The following FSIP1 variants were observed in gnomAD, a reference collection of about 807,000 sequenced individuals.
FSIP1 encodes fibrous sheath interacting protein 1.
Under a neutral mutation model 60.9 loss-of-function variants are expected in FSIP1, and 65 were observed. That is an observed-to-expected ratio of 1.07 (90% CI 0.87 to 1.31). The LOEUF (loss-of-function observed/expected upper bound fraction) is 1.31, where lower values mean the gene tolerates loss of function less well. Ranked by LOEUF, FSIP1 falls within the 40% of genes most tolerant of loss-of-function variation. FSIP1 has a pLI of 0.00. For missense variants in FSIP1, 675 were observed against 665.5 expected (o/e 1.01, Z -0.16); for synonymous variants, 209 against 221.2 (o/e 0.94, Z 0.49).
intron 9 of FSIP1, among the ~76,000 whole-genome samples, chr15:39,723,439 C>A (rs1457647950): frequency 1.3e-5 from 2 of 152,198 alleles, no homozygotes; most frequent in Admixed American, 1.3e-4. Context: ...CCATGTTAGC[C>A]AGGATGGTCT....
chr15:39,665,873 T>C (rs1471773605), intron 10 of FSIP1, among the ~76,000 whole-genome samples: 1 of 152,156 alleles, frequency 6.6e-6, no homozygotes, highest in Non-Finnish European at 1.5e-5. Context: ...AGAGCTGCTT[T>C]TCTCTGTAGA....
chr15:39,718,350 C>T (rs1219477219), intron 9 of FSIP1, among the ~76,000 whole-genome samples: 1 of 151,470 alleles, frequency 6.6e-6, no homozygotes, highest in African/African-American at 2.4e-5. Flanking sequence ...AGTCTGTGTG[C>T]GTATAGAGAA....
chr15:39,762,712 A>AAGACAAGG (rs1435821822), intron 5 of FSIP1, among the ~76,000 whole-genome samples: 1 of 152,192 alleles, frequency 6.6e-6, no homozygotes, highest in East Asian at 1.9e-4. Flanking sequence ...TGTTTTCTTA[A>AAGACAAGG]AGACAAGGCC....
intron 10 of FSIP1, among the ~76,000 whole-genome samples, chr15:39,645,170 T>G (rs953124919): frequency 6.6e-6 from 1 of 152,222 alleles, no homozygotes; most frequent in African/African-American, 2.4e-5. Context: ...AAGAGAAACT[T>G]TCTACATTCT....
At position 39,716,908 on chromosome 15, in the gene FSIP1, G is replaced by A. The variant is rs534209420; in HGVS notation, c.1051-3327C>T. Among the ~76,000 whole-genome samples the A allele has an allele frequency of 5.1e-5, 7 of 137,110 alleles. No individual in the cohort carries two copies. In the South Asian group the frequency reaches 7.3e-4, roughly 14 times the overall value. 89.9% of individuals were successfully genotyped at this position (137,110 alleles called of 152,430 possible). Reference sequence around the variant, plus strand: ...TGGCTCCCGGCAACCTCTGCCTCCCGGGTTCAAGCGATTCTCCTGCCTCAG... The same window carrying A: ...TGGCTCCCGGCAACCTCTGCCTCCCAGGTTCAAGCGATTCTCCTGCCTCAG... On this transcript the variant is annotated intron_variant, in intron 9 of 11. Transcript: ENST00000350221.
intron 10 of FSIP1, among the ~76,000 whole-genome samples, chr15:39,688,620 A>C (rs540007611): frequency 6.6e-6 from 1 of 152,222 alleles, no homozygotes; most frequent in Non-Finnish European, 1.5e-5. Context: ...AAACTTTTAA[A>C]ACTGGGTAGC....
At position 39,646,705 on chromosome 15, in the gene FSIP1, T is replaced by TA. The variant is rs36049904; in HGVS notation, c.1189-28461dup. 4.3e-3 allele frequency among the ~76,000 whole-genome samples: 591 copies of TA among 138,052 alleles called. 5 individuals carry two copies. The highest frequency in any genetic ancestry group is 0.015 in the Middle Eastern group (4 of 272). 90.6% of individuals were successfully genotyped at this position (138,052 alleles called of 152,430 possible). ...AGTGACACTGTGACACACTGTCTCT[T>TA]AAAAAAAAAAAAAAAGTCTAATGGA... On this transcript the variant is annotated intron_variant, in intron 10 of 11. Coordinates refer to ENST00000350221, the MANE Select transcript of FSIP1 (RefSeq NM_152597.5).
intron 5 of FSIP1, among the ~76,000 whole-genome samples, chr15:39,755,064 A>T (rs981448319): frequency 2.0e-5 from 3 of 151,832 alleles, no homozygotes; most frequent in Non-Finnish European, 4.4e-5. Flanking sequence ...TTAGAGTAAG[A>T]TTAAAAAAAA....
Position 39,667,333 on chromosome 15 carries a change from A to AG in FSIP1, c.1188+46110_1188+46111insC, listed in dbSNP as rs568193399. ...TTAAAAAAAGAATTTAAGTGTAGAC[A>AG]TCAGAGTAAAGGCCTGGTTCTTAGT... On this transcript the variant is annotated intron_variant, in intron 10 of 11. Coordinates refer to ENST00000350221, the MANE Select transcript of FSIP1 (RefSeq NM_152597.5). Among the ~76,000 whole-genome samples, 14 of 152,342 alleles carry AG rather than the reference A, an allele frequency of 9.2e-5. No homozygotes were observed. The East Asian group carries it at 2.7e-3, about 29-fold the overall frequency.
chr15:39,769,366 C>T (rs1044271330), intron 3 of FSIP1, among the ~76,000 whole-genome samples: 1 of 151,984 alleles, frequency 6.6e-6, no homozygotes, highest in East Asian at 1.9e-4. Flanking sequence ...GTAATTTTCA[C>T]TTCAAAGCTC....
intron 3 of FSIP1, among the ~76,000 whole-genome samples, chr15:39,767,175 A>C (rs1897720311): frequency 6.6e-6 from 1 of 152,134 alleles, no homozygotes; most frequent in Non-Finnish European, 1.5e-5. Flanking sequence ...GAGGAAAAAA[A>C]GAAAGAGGAA....
At chr15:39,655,312 C>T (rs796168359) in intron 10 of FSIP1, among the ~76,000 whole-genome samples, 6 of 152,270 alleles carry the variant, frequency 3.9e-5, no homozygotes, top group African/African-American at 1.4e-4. Context: ...TACACCATCC[C>T]CCTCCTCCAG....
intron 11 of FSIP1, among the ~76,000 whole-genome samples, 190 bp downstream of exon 11, chr15:39,617,545 T>C (rs1478848228): frequency 2.6e-5 from 4 of 152,230 alleles, no homozygotes; most frequent in Non-Finnish European, 4.4e-5. Flanking sequence ...ACGTATTTCA[T>C]AGAGTACTAA....
In FSIP1 at chr15:39,611,764, C is replaced by T. The variant is rs185313946; in HGVS notation, c.1699+5971G>A. Reference sequence around the variant, plus strand: ...GTAATAAAAGGCCAACTATATGCTACCTGTGAGAGACTCACTTTACTAGTA... The same window carrying T: ...GTAATAAAAGGCCAACTATATGCTATCTGTGAGAGACTCACTTTACTAGTA... On this transcript the variant is annotated intron_variant, in intron 11 of 11. Coordinates refer to ENST00000350221, the MANE Select transcript of FSIP1 (RefSeq NM_152597.5). 2.0e-5 allele frequency among the ~76,000 whole-genome samples: 3 copies of T among 152,244 alleles called. No homozygotes were observed. The East Asian group carries it at 5.8e-4, about 29-fold the overall frequency.
chr15:39,734,015 C>A (rs751896677), intron 8 of FSIP1, among the ~76,000 whole-genome samples: 2 of 152,074 alleles, frequency 1.3e-5, no homozygotes, highest in Non-Finnish European at 2.9e-5. Context: ...AGATAATTTT[C>A]TGAGCTGAAG....
intron 6 of FSIP1, among the ~76,000 whole-genome samples, chr15:39,740,209 G>A (rs1032992160): frequency 9.9e-5 from 15 of 152,080 alleles, no homozygotes; most frequent in African/African-American, 3.4e-4. Context: ...CTATTAATTT[G>A]CCATTACCCT....
At chr15:39,779,042 A>G (rs745474255) in intron 1 of FSIP1, among the ~76,000 whole-genome samples, 4 of 152,172 alleles carry the variant, frequency 2.6e-5, no homozygotes, top group Non-Finnish European at 5.9e-5. Flanking sequence ...TCAAACATGA[A>G]AAAGAACTCT....
chr15:39,700,862 A>G (rs2140523495), intron 10 of FSIP1, among the ~76,000 whole-genome samples: 1 of 152,360 alleles, frequency 6.6e-6, no homozygotes, highest in South Asian at 2.1e-4. Context: ...CATTTAAAAT[A>G]CAGCTTTGAT....
intron 9 of FSIP1, among the ~76,000 whole-genome samples, chr15:39,718,780 A>G (rs937630760): frequency 6.6e-6 from 1 of 152,138 alleles, no homozygotes. Context: ...TACAGATGTG[A>G]GCCACTGATT....
Sources: allele counts gnomAD v4.1 joint callset (sites outside exome capture counted in the v4.1 genomes callset), GRCh38; gene constraint gnomAD v4.1.1; transcripts MANE v1.5; gene names NCBI Gene and HGNC (gene_info 2026-07-23, HGNC 2026-07-21).